Variants in GAB1 observed in about 807,000 individuals in gnomAD.
GAB1 encodes the protein GRB2 associated binding protein 1.
In GAB1, 19 loss-of-function variants were observed where a neutral mutation model predicts 66.5. The ratio of observed to expected loss-of-function variants is 0.29; its 90% CI spans 0.20 to 0.42. GAB1 has a LOEUF of 0.42. GAB1 is among the 10% of genes least tolerant of loss of function. The probability of loss-of-function intolerance (pLI) is 1.00; values close to 1 mark genes in which losing one functional copy is unlikely to be tolerated. For missense variants in GAB1, 732 were observed against 858.5 expected (o/e 0.85, Z 1.84); for synonymous variants, 294 against 301.4 (o/e 0.98, Z 0.25).
chr4:143,388,696 T>G (rs1486848618), intron 1 of GAB1, among the ~76,000 whole-genome samples: 1 of 152,184 alleles, frequency 6.6e-6, no homozygotes, highest in Non-Finnish European at 1.5e-5. Context: ...ATTATAGGCA[T>G]GAGTCACTGC....
chr4:143,424,233 A>G (rs1045917946), intron 2 of GAB1, among the ~76,000 whole-genome samples: 19 of 152,190 alleles, frequency 1.2e-4, no homozygotes, highest in African/African-American at 4.1e-4. Flanking sequence ...GGTCAGAACT[A>G]AAAATTGAGC....
At chr4:143,373,864 A>ATATATATATATATATAT (rs1553945752) in intron 1 of GAB1, among the ~76,000 whole-genome samples, 5 of 50,840 alleles carry the variant, frequency 9.8e-5, no homozygotes, top group East Asian at 3.3e-4. Flanking sequence ...TCTGTAAATA[A>ATATATATATATATATAT]ATAAATATAT....
intron 1 of GAB1, among the ~76,000 whole-genome samples, chr4:143,407,267 T>G (rs2149707480): frequency 6.6e-6 from 1 of 152,224 alleles, no homozygotes; most frequent in African/African-American, 2.4e-5. Flanking sequence ...TCATTGCTTT[T>G]TTTTTTTGGC....
chr4:143,403,115 A>C (rs1422765553), intron 1 of GAB1, among the ~76,000 whole-genome samples: 20 of 151,980 alleles, frequency 1.3e-4, no homozygotes, highest in Admixed American at 1.3e-3. Flanking sequence ...TTGTATTACT[A>C]TACATAGTGT....
chr4:143,375,977 T>A (rs1485870818), intron 1 of GAB1, among the ~76,000 whole-genome samples: 1 of 152,114 alleles, frequency 6.6e-6, no homozygotes, highest in Non-Finnish European at 1.5e-5. Flanking sequence ...GCATAGGAGC[T>A]CCTGTCTGGG....
intron 8 of GAB1, among the ~76,000 whole-genome samples, chr4:143,464,476 C>T (rs1162538591): frequency 2.0e-5 from 3 of 152,096 alleles, no homozygotes; most frequent in South Asian, 2.1e-4. Context: ...GTGGTCCGCC[C>T]GCCTCAGCCT....
chr4:143,361,047 C>G (rs1005616821), intron 1 of GAB1, among the ~76,000 whole-genome samples: 5 of 152,198 alleles, frequency 3.3e-5, no homozygotes, highest in African/African-American at 1.2e-4. Flanking sequence ...CTGAGCCAGC[C>G]TAATGGAATG....
At chr4:143,344,741 T>C (rs1379756382) in intron 1 of GAB1, among the ~76,000 whole-genome samples, 2 of 152,208 alleles carry the variant, frequency 1.3e-5, no homozygotes, top group African/African-American at 2.4e-5. Context: ...TAGGCTTCTA[T>C]GTTTGAGCAT....
At chr4:143,445,001 A>T (rs994572004) in intron 6 of GAB1, among the ~76,000 whole-genome samples, 3 of 152,196 alleles carry the variant, frequency 2.0e-5, no homozygotes, top group African/African-American at 7.2e-5. Context: ...GTTGATGGGC[A>T]CCTAGGTTGA....
At chr4:143,440,418 G>GT in intron 6 of GAB1, 36 bp downstream of exon 6, 1 of 1,533,604 alleles carries the variant, frequency 6.5e-7, no homozygotes. Context: ...GGCTTGGGGA[G>GT]TGCCAAGTTA....
chr4:143,350,358 G>A (rs951329339), intron 1 of GAB1, among the ~76,000 whole-genome samples: 3 of 152,120 alleles, frequency 2.0e-5, no homozygotes, highest in Admixed American at 2.0e-4. Context: ...TGTTATCATG[G>A]CTTAGCTCAC....
intron 1 of GAB1, among the ~76,000 whole-genome samples, chr4:143,386,300 AG>A (rs1367900736): frequency 6.6e-6 from 1 of 152,202 alleles, no homozygotes; most frequent in Non-Finnish European, 1.5e-5. Flanking sequence ...ATACGTAATG[AG>A]ATACCTTGGA....
rs200484587 is a variant in GAB1, at chr4:143,437,945, A to T, written c.594-54A>T. 305 of 1,503,982 alleles carry T rather than the reference A, an allele frequency of 2.0e-4. 1 individual carries two copies. The highest frequency in any genetic ancestry group is 1.2e-4 in the Admixed American group (6 of 49,470). The allele number at this position is 1,503,982 out of a possible 1,614,324, so 93.2% of individuals were successfully genotyped here. A position where few individuals can be genotyped will look rare whatever the true frequency, so the allele number is the denominator to read the frequency against. Reference sequence around the variant, plus strand: ...CTTAGCGATAAACATGTTTATAAAAAATGTATTCTTAGTCTCCACCTTGTT... The same window carrying T: ...CTTAGCGATAAACATGTTTATAAAATATGTATTCTTAGTCTCCACCTTGTT... On this transcript the variant is annotated intron_variant, in intron 3 of 9. Transcript: ENST00000262994.
intron 2 of GAB1, chr4:143,425,731 A>C (rs1733316693): frequency 1.3e-6 from 1 of 760,390 alleles, no homozygotes; most frequent in African/African-American, 1.7e-5. Flanking sequence ...TTTCAGTGTG[A>C]ATGGACTGCT....
chr4:143,343,968 T>C (rs188714295), intron 1 of GAB1, among the ~76,000 whole-genome samples: 1 of 152,322 alleles, frequency 6.6e-6, no homozygotes, highest in Non-Finnish European at 1.5e-5. Context: ...CAAGTGAATT[T>C]TCTGCATCAA....
intron 2 of GAB1, among the ~76,000 whole-genome samples, chr4:143,416,248 AC>A (rs1732677406): frequency 6.6e-6 from 1 of 152,118 alleles, no homozygotes; most frequent in Admixed American, 6.5e-5. Flanking sequence ...TACTAAAAAT[AC>A]AAAAAAAAAT....
In GAB1 at chr4:143,438,455, A is replaced by T. The variant is rs1227358259; in HGVS notation, c.1050A>T (p.Pro350=). ...CACCTCGGCCACCGAAACCACATCC[A>T]GCTCATGACCGATCTCCTGTGGAAA... ...IPPPRPPKPH[P]AHDRSPVETC... Residue 350 remains proline (P), a synonymous_variant, in exon 4 of 10, where the codon CCA becomes CCT. Coordinates refer to ENST00000262994, the MANE Select transcript of GAB1 (RefSeq NM_002039.4). The T allele has an allele frequency of 6.2e-7, 1 of 1,614,050 alleles. No individual in the cohort carries two copies. The highest frequency in any genetic ancestry group is 8.5e-7 in the Non-Finnish European group (1 of 1,179,992).
In GAB1 at chr4:143,460,574, G is replaced by A. The variant is rs928293797; in HGVS notation, c.1803+87G>A. 1.4e-4 allele frequency: 171 copies of A among 1,226,308 alleles called. 1 individual carries two copies. The East Asian group carries it at 3.0e-3, about 22-fold the overall frequency. 76.0% of individuals were successfully genotyped at this position (1,226,308 alleles called of 1,614,324 possible). A position where few individuals can be genotyped will look rare whatever the true frequency, so the allele number is the denominator to read the frequency against. On this transcript the variant is annotated intron_variant, in intron 8 of 9. Coordinates refer to ENST00000262994, the MANE Select transcript of GAB1 (RefSeq NM_002039.4). ...TGTTCTGTCTATAAATTTTATCCTC[G>A]TATCTTTATATACTTAAGAAAAAGC...
chr4:143,418,125 C>T (rs749781748), intron 2 of GAB1, among the ~76,000 whole-genome samples: 1 of 152,182 alleles, frequency 6.6e-6, no homozygotes, highest in East Asian at 1.9e-4. Flanking sequence ...CGTTCAGAAT[C>T]TCACGGGAAC....
Sources: gnomAD v4.1 joint callset for allele counts (sites outside exome capture counted in the v4.1 genomes callset) on GRCh38, gnomAD v4.1.1 for gene constraint, MANE v1.5 for transcripts, NCBI Gene and HGNC (gene_info 2026-07-23, HGNC 2026-07-21) for gene names.